Variants in TULP4 observed in about 807,000 individuals in gnomAD.
TULP4 encodes TUB like protein 4, also known as tubby-related protein 4.
A neutral mutation model predicts 129.0 loss-of-function variants in TULP4; 16 were observed. The ratio of observed to expected loss-of-function variants is 0.12; its 90% CI spans 0.08 to 0.19. The LOEUF (loss-of-function observed/expected upper bound fraction) is 0.19, where lower values mean the gene tolerates loss of function less well. TULP4 is among the 10% of genes least tolerant of loss of function. TULP4 has a pLI of 1.00. For synonymous variants in TULP4, 998 were observed against 854.0 expected, an observed-to-expected ratio of 1.17 and a Z score of -2.94; for missense variants, 1,842 against 2,059.1, an observed-to-expected ratio of 0.89 and a Z score of 2.04.
intron 1 of TULP4, among the ~76,000 whole-genome samples, chr6:158,392,057 T>G (rs1360404752): frequency 6.6e-6 from 1 of 152,216 alleles, no homozygotes; most frequent in African/African-American, 2.4e-5. Flanking sequence ...TACCCTAGAC[T>G]GGGCAGTTTA....
intron 1 of TULP4, among the ~76,000 whole-genome samples, chr6:158,393,580 C>T (rs1777637858): frequency 6.6e-6 from 1 of 152,244 alleles, no homozygotes; most frequent in South Asian, 2.1e-4. Flanking sequence ...TCTGTGCACC[C>T]ATAGGCCCAA....
intron 3 of TULP4, among the ~76,000 whole-genome samples, chr6:158,442,294 T>C (rs1403345017): frequency 6.6e-6 from 1 of 152,168 alleles, no homozygotes; most frequent in Non-Finnish European, 1.5e-5. Context: ...TTTAGAAATA[T>C]ATTTCAGTGT....
chr6:158,431,722 G>C (rs1013027650), intron 3 of TULP4, among the ~76,000 whole-genome samples: 4 of 152,092 alleles, frequency 2.6e-5, no homozygotes, highest in African/African-American at 9.7e-5. Flanking sequence ...TGGTGTGCAC[G>C]TACCACAGGG....
At chr6:158,428,301 G>A (rs972010733) in intron 2 of TULP4, 1 of 152,164 alleles carries the variant, frequency 6.6e-6, no homozygotes, top group Admixed American at 6.5e-5. Context: ...GACTACTTCA[G>A]CTCATCTTGA....
At chr6:158,309,224 G>A (rs1227488695), upstream of TULP4, among the ~76,000 whole-genome samples, 3 of 110,052 alleles carry the variant, frequency 2.7e-5, no homozygotes, top group Non-Finnish European at 3.9e-5. Flanking sequence ...CGGGACGGCC[G>A]GGCAGAGACG....
At chr6:158,241,751 C>T (rs186430806) in intron 1 of TULP4, 65 of 424,510 alleles carry the variant, frequency 1.5e-4, no homozygotes, top group African/African-American at 1.1e-3. Flanking sequence ...CGCACCATCA[C>T]GCCCAGCTAA....
At chr6:158,235,178 A>C (rs1777665630) in intron 1 of TULP4, among the ~76,000 whole-genome samples, 1 of 145,086 alleles carries the variant, frequency 6.9e-6, no homozygotes, top group African/African-American at 2.5e-5. Context: ...ACTCTGTCTC[A>C]AAGAAAAAAA....
chr6:158,432,301 A>G (rs750508070), intron 3 of TULP4, among the ~76,000 whole-genome samples: 12 of 152,008 alleles, frequency 7.9e-5, no homozygotes, highest in Non-Finnish European at 1.8e-4. Flanking sequence ...ATGAAAAAAG[A>G]GTCCATAGAC....
chr6:158,336,383 G>A (rs796967787), intron 1 of TULP4, among the ~76,000 whole-genome samples: 5 of 152,132 alleles, frequency 3.3e-5, no homozygotes, highest in African/African-American at 1.2e-4. Flanking sequence ...TGTTAACTTT[G>A]ACTTTGCTTA....
At chr6:158,454,025 C>CCG (rs1053590255) in intron 5 of TULP4, among the ~76,000 whole-genome samples, 13 of 148,114 alleles carry the variant, frequency 8.8e-5, no homozygotes, top group Middle Eastern at 3.5e-3. Flanking sequence ...TGCACCGCCC[C>CCG]CCCCCAAGTA....
intron 1 of TULP4, among the ~76,000 whole-genome samples, chr6:158,381,009 A>AG (rs1777312462): frequency 6.6e-6 from 1 of 151,806 alleles, no homozygotes; most frequent in Non-Finnish European, 1.5e-5. Flanking sequence ...CCAACTTGGA[A>AG]GGGGAGCCCT....
intron 1 of TULP4, 134 bp downstream of exon 1, chr6:158,314,402 C>A: frequency 9.1e-7 from 1 of 1,097,948 alleles, no homozygotes; most frequent in Non-Finnish European, 1.3e-6. Context: ...TGAGTTCTGT[C>A]TCTTATTCTC....
chr6:158,490,728 C>A (rs1316531537), intron 9 of TULP4, among the ~76,000 whole-genome samples: 5 of 152,002 alleles, frequency 3.3e-5, no homozygotes, highest in African/African-American at 1.2e-4. Flanking sequence ...CCATCATCAG[C>A]TTTGCTTGTT....
chr6:158,404,681 C>A (rs1777934983), intron 1 of TULP4, among the ~76,000 whole-genome samples: 1 of 148,838 alleles, frequency 6.7e-6, no homozygotes, highest in South Asian at 2.1e-4. Context: ...GAGGCTGAGG[C>A]AGGAGAATTG....
At chr6:158,333,762 G>C (rs775240494) in intron 1 of TULP4, among the ~76,000 whole-genome samples, 1 of 152,100 alleles carries the variant, frequency 6.6e-6, no homozygotes, top group Non-Finnish European at 1.5e-5. Context: ...ATAAATGCAG[G>C]TACTGTTCTA....
intron 1 of TULP4, among the ~76,000 whole-genome samples, chr6:158,284,031 C>G (rs1294558680): frequency 6.6e-6 from 1 of 152,114 alleles, no homozygotes; most frequent in East Asian, 1.9e-4. Context: ...ACTCTAAGCC[C>G]TTAGAAATAC....
chr6:158,443,900 A>G (rs541976689), intron 3 of TULP4, among the ~76,000 whole-genome samples: 1 of 152,274 alleles, frequency 6.6e-6, no homozygotes, highest in Admixed American at 6.5e-5. Context: ...GAAGGCCAGT[A>G]TTCTGAAACC....
intron 1 of TULP4, among the ~76,000 whole-genome samples, chr6:158,271,111 C>G (rs1392181987): frequency 6.8e-6 from 1 of 146,622 alleles, no homozygotes; most frequent in Non-Finnish European, 1.5e-5. Flanking sequence ...GATCGCGCCA[C>G]TGTACTCCAG....
chr6:158,504,844 G>C (rs1396890941), intron 13 of TULP4, among the ~76,000 whole-genome samples: 1 of 152,090 alleles, frequency 6.6e-6, no homozygotes, highest in Non-Finnish European at 1.5e-5. Flanking sequence ...TGACTTTTCT[G>C]TTTTTGGCAT....
Sources: allele counts gnomAD v4.1 joint callset (sites outside exome capture counted in the v4.1 genomes callset), GRCh38; gene constraint gnomAD v4.1.1; transcripts MANE v1.5; gene names NCBI Gene and HGNC (gene_info 2026-07-23, HGNC 2026-07-21).